Variants in PHKA1 observed in about 807,000 individuals in gnomAD.
The protein encoded by PHKA1 is phosphorylase kinase regulatory subunit alpha 1, also known as phosphorylase b kinase regulatory subunit alpha, skeletal muscle isoform.
Under a neutral mutation model 110.2 loss-of-function variants are expected in PHKA1, and 60 were observed. That is an observed-to-expected ratio of 0.54 (90% CI 0.44 to 0.68). The LOEUF (loss-of-function observed/expected upper bound fraction) is 0.68. Among genes scored for constraint, PHKA1 ranks in the 30% least tolerant of loss-of-function variants. The pLI, the probability that PHKA1 is intolerant of heterozygous loss-of-function variation, is 0.00. For missense variants in PHKA1, 801 were observed against 942.5 expected (o/e 0.85, Z 1.97); for synonymous variants, 316 against 333.6 (o/e 0.95, Z 0.58).
At chrX:72,614,885 A>T (rs1161822498) in intron 21 of PHKA1, among the ~76,000 whole-genome samples, 1 of 111,591 alleles carries the variant, frequency 9.0e-6, no homozygotes, top group Non-Finnish European at 1.9e-5. Context: ...TGTAGTAAAG[A>T]CAGTGAATTT....
At chrX:72,620,681 A>T in intron 19 of PHKA1, 44 bp downstream of exon 19, 1 of 1,126,818 alleles carries the variant, frequency 8.9e-7, no homozygotes, top group Non-Finnish European at 1.2e-6. Context: ...CCTGGGCTTC[A>T]CGTCATCCTG....
At position 72,644,493 on chromosome X, in the gene PHKA1, G is replaced by A; in HGVS notation, c.1328C>T (p.Ser443Phe). 2 of 1,206,033 alleles carry A rather than the reference G, an allele frequency of 1.7e-6. No homozygotes were observed. Among genetic ancestry groups the A allele is most frequent in the Non-Finnish European group, 2.2e-6 (2 of 891,336 alleles). ...GATTTCTTCTGTTTCAGCTAGAATG[G>A]AGACTAGAGGAGACAAAGAAGATGA... is the stretch of plus-strand genomic sequence containing the variant. Reference protein sequence around the residue: ...VPKPDVVVQVSILAETEEIKT... With the variant: ...VPKPDVVVQVFILAETEEIKT... Residue 443 changes from serine to phenylalanine, a missense_variant, in exon 14 of 32, where the codon TCC becomes TTC. Physicochemically the swap from Ser to Phe is radical, Grantham distance 155 (BLOSUM62 -2). Coordinates refer to ENST00000373542, the MANE Select transcript of PHKA1 (RefSeq NM_002637.4).
At position 72,712,955 on chromosome X, in the gene PHKA1, A is replaced by T. The variant is rs1556335400; in HGVS notation, c.79-18T>A. On this transcript the variant is annotated intron_variant, in intron 1 of 31. Transcript: ENST00000373542. ...ACTGGATTCTGCAAGGTCAAGAAAAAGAGGGCAGGAAGGTAACCATAGGTG... is the reference window on the plus strand; with the variant it reads ...ACTGGATTCTGCAAGGTCAAGAAAATGAGGGCAGGAAGGTAACCATAGGTG... The T allele has an allele frequency of 8.3e-7, 1 of 1,208,796 alleles. No individual in the cohort carries two copies. Among genetic ancestry groups the T allele is most frequent in the East Asian group, 3.0e-5 (1 of 33,808 alleles).
chrX:72,604,292 C>G (rs781906973), intron 25 of PHKA1, among the ~76,000 whole-genome samples: 165 of 111,522 alleles, frequency 1.5e-3, no homozygotes, highest in African/African-American at 5.2e-3. Context: ...AGTTAACCTT[C>G]TTGAGTTTCA....
chrX:72,656,535 A>T (rs1369321601), intron 9 of PHKA1, among the ~76,000 whole-genome samples: 3 of 112,453 alleles, frequency 2.7e-5, no homozygotes, highest in Non-Finnish European at 3.8e-5. Context: ...AGGACATACA[A>T]GTAGAAATGT....
chrX:72,612,078 T>G (rs1257236195), intron 21 of PHKA1, among the ~76,000 whole-genome samples: 2 of 111,964 alleles, frequency 1.8e-5, no homozygotes, highest in Non-Finnish European at 3.8e-5. Context: ...AGAACCCAAA[T>G]GTCCATCATC....
At chrX:72,582,692 A>G in intron 30 of PHKA1, 94 bp from the exon 31 acceptor site, 2 of 584,916 alleles carry the variant, frequency 3.4e-6, no homozygotes, top group Non-Finnish European at 5.9e-6. Flanking sequence ...CACTGTAGCC[A>G]TGAGCATTGA....
At chrX:72,677,758 C>T (rs1453500192) in intron 5 of PHKA1, among the ~76,000 whole-genome samples, 4 of 111,534 alleles carry the variant, frequency 3.6e-5, no homozygotes, top group Non-Finnish European at 7.5e-5. Flanking sequence ...ATGCCTATTC[C>T]TTTTTGAGCA....
chrX:72,710,738 T>A (rs781963329), intron 2 of PHKA1, among the ~76,000 whole-genome samples: 2 of 112,051 alleles, frequency 1.8e-5, no homozygotes, highest in African/African-American at 6.4e-5. Flanking sequence ...ATGTGAAAAA[T>A]TATTTAATGG....
intron 3 of PHKA1, among the ~76,000 whole-genome samples, chrX:72,699,187 A>G (rs1352706273): frequency 9.0e-6 from 1 of 110,749 alleles, no homozygotes; most frequent in African/African-American, 3.3e-5. Context: ...AACAACCAGG[A>G]AACAAAAGGA....
chrX:72,656,071 A>G (rs41305389), intron 10 of PHKA1, 49 bp downstream of exon 10: 453 of 1,190,241 alleles, frequency 3.8e-4, no homozygotes, highest in Non-Finnish European at 5.0e-4. Context: ...TAGCTGTAAG[A>G]AGATATAACA....
rs782187205 is a variant in PHKA1 at position 72,670,445 on chromosome X, A to G, written c.619-2972T>C. On this transcript the variant is annotated intron_variant, in intron 6 of 31. Transcript: ENST00000373542. ...TTTTGGTGTTTTAGACGTGAAGGAT[A>G]GCTTACCAACCAAAAAAAGTCCAGG... 5.4e-5 allele frequency among the ~76,000 whole-genome samples: 6 copies of G among 111,772 alleles called. No homozygotes were observed. In the South Asian group the frequency reaches 1.9e-3, roughly 35 times the overall value.
chrX:72,579,190 G>A lies in PHKA1; in HGVS notation c.*1812C>T, dbSNP rs182287866. The A allele has an allele frequency of 8.0e-5, 9 of 112,358 alleles. No individual in the cohort carries two copies. The Admixed American group carries it at 8.5e-4, about 11-fold the overall frequency. 9.3% of individuals were successfully genotyped at this position (112,358 alleles called of 1,213,427 possible). On this transcript the variant is annotated 3_prime_UTR_variant, in exon 32 of 32. Transcript: ENST00000373542. ...AACAGGTTGTAAACTTTCTTTAAAA[G>A]TGACCAGAAAATAATGTAGTCAGAA...
intron 19 of PHKA1, 69 bp downstream of exon 19, chrX:72,620,651 TAATCA>T: frequency 1.1e-6 from 1 of 905,818 alleles, no homozygotes; most frequent in South Asian, 2.0e-5. Context: ...GCTTACATTG[TAATCA>T]ATGCCCGCCC....
intron 28 of PHKA1, among the ~76,000 whole-genome samples, chrX:72,594,608 A>G (rs1291395646): frequency 8.9e-6 from 1 of 112,561 alleles, no homozygotes; most frequent in Non-Finnish European, 1.9e-5. Context: ...ACTATTACAA[A>G]CAAATATATC....
intron 17 of PHKA1, among the ~76,000 whole-genome samples, chrX:72,624,916 T>C (rs1556281822): frequency 9.0e-6 from 1 of 111,677 alleles, no homozygotes; most frequent in East Asian, 2.8e-4. Context: ...ATGAAAACTC[T>C]CATGAAAGAT....
At chrX:72,609,524 T>A (rs1279302228) in intron 23 of PHKA1, 100 bp downstream of exon 23, 1 of 598,192 alleles carries the variant, frequency 1.7e-6, no homozygotes. Flanking sequence ...GAGGTGAACA[T>A]ATGTAGGACA....
intron 10 of PHKA1, among the ~76,000 whole-genome samples, chrX:72,653,999 T>C (rs1263767687): frequency 9.0e-6 from 1 of 110,610 alleles, no homozygotes; most frequent in Non-Finnish European, 1.9e-5. Context: ...GCTTAACCAT[T>C]TGCTAAAGCT....
At chrX:72,635,011 G>A (rs1423528549) in intron 16 of PHKA1, 144 bp downstream of exon 16, 16 of 710,699 alleles carry the variant, frequency 2.3e-5, no homozygotes, top group Non-Finnish European at 3.4e-5. Flanking sequence ...TTAGAAAAGT[G>A]CTTGGCATAA....
Sources: allele counts gnomAD v4.1 joint callset (sites outside exome capture counted in the v4.1 genomes callset), GRCh38; gene constraint gnomAD v4.1.1; transcripts MANE v1.5; gene names NCBI Gene and HGNC (gene_info 2026-07-23, HGNC 2026-07-21).